ROBO2: variants seen among roughly 807,000 people sequenced by gnomAD.
The protein encoded by ROBO2 is roundabout homolog 2.
In ROBO2, 53 loss-of-function variants were observed where a neutral mutation model predicts 160.8. The ratio of observed to expected loss-of-function variants is 0.33; its 90% CI spans 0.26 to 0.41. The LOEUF (loss-of-function observed/expected upper bound fraction) is 0.41. ROBO2 is among the 10% of genes least tolerant of loss of function. The pLI is 1.00. For missense variants in ROBO2, 1,577 were observed against 1,722.4 expected (o/e 0.92, Z 1.49); for synonymous variants, 664 against 611.7 (o/e 1.09, Z -1.26).
chr3:77,435,099 A>G (rs1214351562), intron 2 of ROBO2, among the ~76,000 whole-genome samples: 2 of 152,062 alleles, frequency 1.3e-5, no homozygotes, highest in African/African-American at 4.8e-5. Flanking sequence ...TAGGTAAAAA[A>G]GAAGGCATTA....
rs11286216 is a variant in ROBO2 at position 77,150,730 on chromosome 3, CTT to C, written c.388+52400_388+52401del. ...TGAATAAAATATTGGAATGAGAAGC[CTT>C]TTTTTTTTTATTATAAGAACACTGG... On this transcript the variant is annotated intron_variant, in intron 2 of 25. Coordinates refer to ENST00000461745, the Ensembl canonical transcript of ROBO2. 6.2e-3 allele frequency among the ~76,000 whole-genome samples: 899 copies of C among 145,888 alleles called. 12 individuals carry two copies. The highest frequency in any genetic ancestry group is 0.021 in the African/African-American group (855 of 39,990).
chr3:77,070,788 C>A (rs971041216), intron 1 of ROBO2, among the ~76,000 whole-genome samples: 3 of 152,096 alleles, frequency 2.0e-5, no homozygotes, highest in Admixed American at 6.6e-5. Context: ...ACTTGATTTA[C>A]ATTTCAAAGA....
At chr3:76,431,170 T>C (rs954502197) in intron 2 of ROBO2, among the ~76,000 whole-genome samples, 32 of 152,130 alleles carry the variant, frequency 2.1e-4, no homozygotes, top group African/African-American at 7.5e-4. Context: ...TCAAGAAGTA[T>C]ACTGTGTAAA....
At chr3:77,229,060 A>C (rs1580195377) in intron 2 of ROBO2, among the ~76,000 whole-genome samples, 1 of 152,110 alleles carries the variant, frequency 6.6e-6, no homozygotes, top group African/African-American at 2.4e-5. Context: ...CTTTTTTCAT[A>C]TTTAAGAACT....
chr3:76,185,778 T>A (rs1701733200), intron 2 of ROBO2, among the ~76,000 whole-genome samples: 1 of 152,064 alleles, frequency 6.6e-6, no homozygotes, highest in African/African-American at 2.4e-5. Flanking sequence ...TCCTGAACAT[T>A]TTTGACAATA....
At chr3:76,393,374 A>G (rs992805284) in intron 2 of ROBO2, among the ~76,000 whole-genome samples, 1 of 152,158 alleles carries the variant, frequency 6.6e-6, no homozygotes, top group African/African-American at 2.4e-5. Context: ...TTCATATCTT[A>G]ATAAATAAAA....
chr3:76,681,795 C>G (rs1240754169), intron 2 of ROBO2, among the ~76,000 whole-genome samples: 1 of 152,116 alleles, frequency 6.6e-6, no homozygotes, highest in Non-Finnish European at 1.5e-5. Context: ...TTGGCCATTA[C>G]TTTCAATGGC....
intron 2 of ROBO2, among the ~76,000 whole-genome samples, chr3:76,651,038 C>A (rs1046798909): frequency 1.3e-5 from 2 of 152,064 alleles, no homozygotes; most frequent in Non-Finnish European, 1.5e-5. Context: ...ACTTTACTTG[C>A]AAAGAGTGAA....
chr3:76,334,511 G>A (rs1339542724), intron 2 of ROBO2, among the ~76,000 whole-genome samples: 1 of 152,116 alleles, frequency 6.6e-6, no homozygotes, highest in East Asian at 1.9e-4. Flanking sequence ...GGCATTGAGA[G>A]GACAGTAGAA....
intron 2 of ROBO2, among the ~76,000 whole-genome samples, chr3:76,542,891 C>T (rs1256552471): frequency 1.3e-5 from 2 of 152,158 alleles, no homozygotes; most frequent in Non-Finnish European, 2.9e-5. Context: ...GACTTCCTTA[C>T]AGCATTTAGT....
intron 2 of ROBO2, among the ~76,000 whole-genome samples, chr3:76,580,191 GTTTA>G (rs1237774073): frequency 1.3e-5 from 2 of 151,894 alleles, no homozygotes; most frequent in African/African-American, 4.8e-5. Flanking sequence ...CTGAGTATAG[GTTTA>G]TTTGAGTTTT....
intron 2 of ROBO2, among the ~76,000 whole-genome samples, chr3:76,334,631 C>T (rs531843079): frequency 5.9e-5 from 9 of 152,136 alleles, no homozygotes; most frequent in South Asian, 4.2e-4. Flanking sequence ...TGTATCAATC[C>T]GTGCCCAATG....
At chr3:76,984,897 G>A (rs994722927) in intron 2 of ROBO2, among the ~76,000 whole-genome samples, 3 of 151,862 alleles carry the variant, frequency 2.0e-5, no homozygotes, top group East Asian at 1.9e-4. Flanking sequence ...AAAATATATA[G>A]CATATATAGG....
chr3:76,043,486 G>A (rs1156909163), intron 2 of ROBO2, among the ~76,000 whole-genome samples: 2 of 151,356 alleles, frequency 1.3e-5, no homozygotes, highest in African/African-American at 2.4e-5. Context: ...GTCCTGCTGA[G>A]GGCTGATCCT....
rs181876349 is a variant in ROBO2 at position 77,093,787 on chromosome 3, A to G, written c.62-4227A>G. ...TTCTCTCTCTCTCTCTAATCTATCT[A>G]TCTGGGTGGTGAGACCTTTAAAGTT... On this transcript the variant is annotated intron_variant, in intron 1 of 25. Coordinates refer to ENST00000461745, the Ensembl canonical transcript of ROBO2. 1.1e-3 allele frequency among the ~76,000 whole-genome samples: 169 copies of G among 152,008 alleles called. 2 individuals are homozygous for G. In the South Asian group the frequency reaches 0.019, roughly 17 times the overall value.
At chr3:77,204,889 A>T (rs774247781) in intron 2 of ROBO2, among the ~76,000 whole-genome samples, 18 of 152,236 alleles carry the variant, frequency 1.2e-4, no homozygotes, top group Non-Finnish European at 2.4e-4. Context: ...GAAACGCGAC[A>T]GTCCACTGAT....
chr3:77,644,003 G>T (rs578170378), intron 24 of ROBO2, among the ~76,000 whole-genome samples: 5 of 152,060 alleles, frequency 3.3e-5, no homozygotes, highest in Non-Finnish European at 7.4e-5. Flanking sequence ...AAAGACAGAG[G>T]GGATGGGGTG....
chr3:76,595,364 A>G (rs1053753460), intron 2 of ROBO2, among the ~76,000 whole-genome samples: 15 of 152,074 alleles, frequency 9.9e-5, no homozygotes, highest in African/African-American at 3.6e-4. Context: ...GGAATTATAT[A>G]TTATGTATTT....
chr3:76,709,781 G>T (rs1432717003), intron 2 of ROBO2, among the ~76,000 whole-genome samples: 1 of 152,160 alleles, frequency 6.6e-6, no homozygotes, highest in African/African-American at 2.4e-5. Flanking sequence ...TTAAAATGAA[G>T]TATATTTGCA....
Sources: allele counts gnomAD v4.1 joint callset (sites outside exome capture counted in the v4.1 genomes callset), GRCh38; gene constraint gnomAD v4.1.1; transcripts MANE v1.5; gene names NCBI Gene and HGNC (gene_info 2026-07-23, HGNC 2026-07-21).